PITPNM2: variants seen among roughly 807,000 people sequenced by gnomAD.
PITPNM2 encodes the protein phosphatidylinositol transfer protein membrane associated 2, also known as membrane-associated phosphatidylinositol transfer protein 2.
PITPNM2 carries 35 observed loss-of-function variants against 132.2 expected under a neutral mutation model. That is an observed-to-expected ratio of 0.26 (90% CI 0.20 to 0.35). PITPNM2 has a LOEUF of 0.35. Ranked by LOEUF, PITPNM2 falls within the 10% of genes least tolerant of loss-of-function variation. PITPNM2 has a pLI of 1.00. For synonymous variants in PITPNM2, 738 were observed against 799.2 expected (o/e 0.92, Z 1.29); for missense variants, 1,332 against 1,912.0 (o/e 0.70, Z 5.66).
In PITPNM2 at chr12:122,988,719, G is replaced by A; in HGVS notation, c.2880+5C>T. On this transcript the variant is annotated splice_donor_5th_base_variant and intron_variant, in intron 19 of 25. Transcript: ENST00000320201. ...CCCTCCTGGGAGGTCCCAGGCCCCG[G>A]GTACCTGTCTCAGCAGAAAGGAGAC... The A allele has an allele frequency of 6.4e-7, 1 of 1,556,462 alleles. No homozygotes were observed. Among genetic ancestry groups the A allele is most frequent in the East Asian group, 2.4e-5 (1 of 41,708 alleles).
Position 122,993,967 on chromosome 12 carries a change from C to T in PITPNM2, c.2233+834G>A, listed in dbSNP as rs956211453. ...TGGCTCACCGCAACCTCCGCCCTCC[C>T]GTGTTCAGGCGATTCTCCTGCCTCA... On this transcript the variant is annotated intron_variant, in intron 15 of 25. Transcript: ENST00000320201. The surrounding 1 kb of genome is among the most constrained non-coding windows in gnomAD (Gnocchi z 5.2). Among the ~76,000 whole-genome samples, 3 of 152,096 alleles carry T rather than the reference C, an allele frequency of 2.0e-5. No homozygotes were observed. In the East Asian group the frequency reaches 5.8e-4, roughly 29 times the overall value.
At chr12:123,074,082 G>A (rs757960586) in intron 2 of PITPNM2, among the ~76,000 whole-genome samples, 8 of 152,218 alleles carry the variant, frequency 5.3e-5, no homozygotes, top group Non-Finnish European at 8.8e-5. Context: ...GGCAGAGGGA[G>A]GGAGGGAGCG....
At chr12:123,042,038 C>A (rs1374161697) in intron 2 of PITPNM2, among the ~76,000 whole-genome samples, 1 of 152,010 alleles carries the variant, frequency 6.6e-6, no homozygotes, top group Middle Eastern at 3.2e-3. Flanking sequence ...AAGAGACCAG[C>A]CGTGGGCAAG....
intron 2 of PITPNM2, among the ~76,000 whole-genome samples, chr12:123,044,964 G>C (rs1212531543): frequency 6.6e-6 from 1 of 152,056 alleles, no homozygotes; most frequent in South Asian, 2.1e-4. Flanking sequence ...AGTCTTCTTT[G>C]TTTCCTCAAA....
chr12:123,123,462 T>A (rs2043071178), intron 1 of PITPNM2, among the ~76,000 whole-genome samples: 1 of 151,866 alleles, frequency 6.6e-6, no homozygotes, highest in Non-Finnish European at 1.5e-5. Flanking sequence ...AATAAAAAAA[T>A]TAGCCAGGTG....
chr12:123,112,105 CAA>C (rs2042850912), intron 1 of PITPNM2, among the ~76,000 whole-genome samples: 1 of 152,116 alleles, frequency 6.6e-6, no homozygotes, highest in Non-Finnish European at 1.5e-5. Flanking sequence ...TCTCAGAACG[CAA>C]AGAGAGGCAC....
Position 123,000,282 on chromosome 12 carries a change from C to T in PITPNM2, c.1224+496G>A. The T allele has an allele frequency of 1.6e-6, 1 of 627,028 alleles. No individual in the cohort carries two copies. The highest frequency in any genetic ancestry group is 2.9e-6 in the Non-Finnish European group (1 of 349,768). 38.8% of individuals were successfully genotyped at this position (627,028 alleles called of 1,614,324 possible). ...ATGGGGCATGAACTCCCACAGAGAA[C>T]CCCCGAAGCGGATACAGGCGCTCTA... On this transcript the variant is annotated intron_variant, in intron 10 of 25. Transcript: ENST00000320201. This position sits in a 1 kb window ranked among gnomAD's most constrained non-coding sequence, Gnocchi z 5.4.
At chr12:123,139,456 G>A (rs1374911195) in intron 1 of PITPNM2, among the ~76,000 whole-genome samples, 4 of 151,056 alleles carry the variant, frequency 2.6e-5, no homozygotes, top group Admixed American at 2.6e-4. Flanking sequence ...AGGCGAGATC[G>A]TGCCACTGCA....
At chr12:123,069,057 A>G (rs561741560) in intron 2 of PITPNM2, among the ~76,000 whole-genome samples, 23 of 152,222 alleles carry the variant, frequency 1.5e-4, no homozygotes, top group African/African-American at 5.5e-4. Context: ...GTTTGAGACT[A>G]GCCTGGGCAA....
chr12:123,037,762 C>T (rs1485885819), intron 2 of PITPNM2, among the ~76,000 whole-genome samples: 1 of 152,174 alleles, frequency 6.6e-6, no homozygotes, highest in African/African-American at 2.4e-5. Context: ...TCATAATGTT[C>T]CTTAAATGTC....
Position 123,122,658 on chromosome 12 carries a change from C to G in PITPNM2, c.-199-12170G>C, listed in dbSNP as rs562640724. ...GAAGGGGCAAGGTAGCTGCTGCCCCCACCCTTTACCAGGAACATATCTTCC... is the reference window on the plus strand; with the variant it reads ...GAAGGGGCAAGGTAGCTGCTGCCCCGACCCTTTACCAGGAACATATCTTCC... On this transcript the variant is annotated intron_variant, in intron 1 of 25. Transcript: ENST00000320201. Among the ~76,000 whole-genome samples, 24 of 152,306 alleles carry G rather than the reference C, an allele frequency of 1.6e-4. No individual in the cohort carries two copies. In the South Asian group the frequency reaches 4.8e-3, roughly 30 times the overall value.
At chr12:123,148,294 C>T (rs1465449107) in intron 1 of PITPNM2, among the ~76,000 whole-genome samples, 1 of 152,200 alleles carries the variant, frequency 6.6e-6, no homozygotes, top group African/African-American at 2.4e-5. Context: ...TGAGAACTGG[C>T]GTACAATGGC....
chr12:123,100,818 A>G (rs1055411481), intron 2 of PITPNM2, among the ~76,000 whole-genome samples: 1 of 152,228 alleles, frequency 6.6e-6, no homozygotes, highest in African/African-American at 2.4e-5. Context: ...AGACCCAGTC[A>G]GACTCACCTG....
chr12:123,015,334 T>C (rs912622171), intron 3 of PITPNM2, among the ~76,000 whole-genome samples: 1 of 151,396 alleles, frequency 6.6e-6, no homozygotes, highest in South Asian at 2.1e-4. Context: ...CTGGATAGGA[T>C]AGACAAATAG....
intron 1 of PITPNM2, among the ~76,000 whole-genome samples, chr12:123,146,451 C>T (rs1037620877): frequency 4.6e-5 from 7 of 151,612 alleles, no homozygotes; most frequent in Non-Finnish European, 1.0e-4. Context: ...AAAATTAGCC[C>T]GGTGTGGTGG....
chr12:122,989,858 TG>T lies in PITPNM2; in HGVS notation c.2659del (p.His887ThrfsTer72). On this transcript the variant is annotated frameshift_variant, in exon 18 of 26. Transcript: ENST00000320201. LOFTEE classifies it high-confidence loss of function. The part of the protein sequence containing the change: ...PAPSPTTPGP[H>X]PPARKASPGL... ...AGGGCTTGCCTTCCTGGCTGGAGGG[TG>T]GGGGCCAGGGGTGGTGGGGCTGGGG... is the stretch of plus-strand genomic sequence containing the variant. 2.2e-6 allele frequency: 1 copy of T among 445,914 alleles called. No homozygotes were observed. Among genetic ancestry groups the T allele is most frequent in the Non-Finnish European group, 3.0e-6 (1 of 333,568 alleles). The allele number at this position is 445,914 out of a possible 1,614,324, so 27.6% of individuals were successfully genotyped here. A position where few individuals can be genotyped will look rare whatever the true frequency, so the allele number is the denominator to read the frequency against.
At chr12:123,016,218 C>T (rs369330127) in intron 3 of PITPNM2, among the ~76,000 whole-genome samples, 4 of 151,840 alleles carry the variant, frequency 2.6e-5, no homozygotes, top group Admixed American at 1.3e-4. Flanking sequence ...CCCAGCTACT[C>T]GGGAGGCTGA....
chr12:123,147,795 T>C (rs142088856), intron 1 of PITPNM2, among the ~76,000 whole-genome samples: 253 of 152,336 alleles, frequency 1.7e-3, no homozygotes, highest in Non-Finnish European at 2.7e-3. Flanking sequence ...GGCAAGTTAG[T>C]TGACCTCTCT....
chr12:123,056,727 G>A (rs2041041272), intron 2 of PITPNM2, among the ~76,000 whole-genome samples: 1 of 152,226 alleles, frequency 6.6e-6, no homozygotes, highest in South Asian at 2.1e-4. Flanking sequence ...CCCAGGCCAG[G>A]GGCTGGGATA....
Sources: allele counts gnomAD v4.1 joint callset (sites outside exome capture counted in the v4.1 genomes callset), GRCh38; gene constraint gnomAD v4.1.1; non-coding constraint Gnocchi (gnomAD v3.1); transcripts MANE v1.5; gene names NCBI Gene and HGNC (gene_info 2026-07-23, HGNC 2026-07-21).